GRIN2D: variants seen among roughly 807,000 people sequenced by gnomAD.
GRIN2D encodes the protein glutamate ionotropic receptor NMDA type subunit 2D.
A neutral mutation model predicts 103.2 loss-of-function variants in GRIN2D; 37 were observed. The observed-to-expected ratio is 0.36, with a 90% CI of 0.28 to 0.47. The LOEUF (loss-of-function observed/expected upper bound fraction) is 0.47. Ranked by LOEUF, GRIN2D falls within the 20% of genes least tolerant of loss-of-function variation. The pLI, the probability that GRIN2D is intolerant of heterozygous loss-of-function variation, is 1.00. For synonymous variants in GRIN2D, 845 were observed against 885.6 expected (o/e 0.95, Z 0.81); for missense variants, 1,557 against 1,910.6 (o/e 0.81, Z 3.45).
At chr19:48,422,039 C>G (rs1306252930) in intron 11 of GRIN2D, 94 bp downstream of exon 11, 3 of 1,309,672 alleles carry the variant, frequency 2.3e-6, no homozygotes, top group Non-Finnish European at 3.2e-6. Flanking sequence ...TTCATTCAGT[C>G]CCAGAGGTCA....
In GRIN2D at chr19:48,414,585, G is replaced by A; in HGVS notation, c.1412+1G>A. 1 of 1,550,468 alleles carries A rather than the reference G, an allele frequency of 6.4e-7. No individual in the cohort carries two copies. The highest frequency in any genetic ancestry group is 8.7e-7 in the Non-Finnish European group (1 of 1,147,330). On this transcript the variant is annotated splice_donor_variant, in intron 6 of 13. Transcript: ENST00000263269. LOFTEE classifies it high-confidence loss of function. The surrounding 1 kb of genome is among the most constrained non-coding windows in gnomAD (Gnocchi z 4.6). ...GGAGCCAGCTCAACCGAACCCACAG[G>A]TGACAGCTCGGGATCCAGGAGTTCC...
In GRIN2D at chr19:48,443,722, G is replaced by A; in HGVS notation, c.3796G>A (p.Ala1266Thr). The A allele has an allele frequency of 1.5e-6, 2 of 1,327,206 alleles. No homozygotes were observed. Among genetic ancestry groups the A allele is most frequent in the East Asian group, 3.2e-5 (1 of 31,484 alleles). The allele number at this position is 1,327,206 out of a possible 1,614,324, so 82.2% of individuals were successfully genotyped here. ...TGGGGGCTGGGACCTCCCGCCGCCC[G>A]CGCCCACCTCGCGCTCGCTCGAGGA... The part of the protein sequence containing the change: ...AAGGWDLPPP[A>T]PTSRSLEDLS... The change falls in exon 14 of 14, where the codon GCG becomes ACG. Residue 1266 changes from alanine (A) to threonine (T), a missense_variant. Ala to Thr is a moderately conservative substitution (Grantham distance 58). Around this residue, in one of 7 missense-constraint regions of GRIN2D, gnomAD observed 632 missense variants for 572.8 expected, o/e 1.10. Transcript: ENST00000263269. The surrounding 1 kb of genome is among the most constrained non-coding windows in gnomAD (Gnocchi z 8.9).
At chr19:48,434,283 T>G (rs1971200194) in intron 11 of GRIN2D, among the ~76,000 whole-genome samples, 1 of 151,882 alleles carries the variant, frequency 6.6e-6, no homozygotes, top group South Asian at 2.1e-4. Flanking sequence ...AGATGCAGTC[T>G]CGCTCTGTCA....
intron 3 of GRIN2D, among the ~76,000 whole-genome samples, chr19:48,403,198 C>CAAAAAAAAAAAAAAAAAAAAAAAA (rs145115482): frequency 1.1e-5 from 1 of 91,318 alleles, no homozygotes; most frequent in African/African-American, 4.0e-5. Context: ...GACTCTGTCT[C>CAAAAAAAAAAAAAAAAAAAAAAAA]AAAAAAAAAA....
Position 48,414,401 on chromosome 19 carries a change from G to A in GRIN2D, c.1229G>A (p.Arg410His), listed in dbSNP as rs1382484564. The change falls in exon 6 of 14, where the codon CGC becomes CAC. Residue 410 changes from arginine (R) to histidine (H), a missense_variant. By Grantham distance (29) the Arg-to-His change is conservative. Around this residue, in one of 7 missense-constraint regions of GRIN2D, gnomAD observed 490 missense variants for 601.1 expected, o/e 0.82. Transcript: ENST00000263269. This position sits in a 1 kb window ranked among gnomAD's most constrained non-coding sequence, Gnocchi z 4.6. Reference protein sequence around the residue: ...VVGSWEQQTLRLKYPLWSRYG... With the variant: ...VVGSWEQQTLHLKYPLWSRYG... ...GGCAGCTGGGAGCAGCAGACGCTCC[G>A]CCTCAAGTACCCGCTGTGGTCCCGC... 1.9e-6 allele frequency: 3 copies of A among 1,608,828 alleles called. No homozygotes were observed. Among genetic ancestry groups the A allele is most frequent in the African/African-American group, 2.7e-5 (2 of 74,852 alleles).
At position 48,421,612 on chromosome 19, in the gene GRIN2D, G is replaced by A. The variant is rs571619819; in HGVS notation, c.2092-173G>A. Reference sequence around the variant, plus strand: ...TTGGATCACGTGTCTGCAACCGTGTGTGCTGGGTGGGAGTGGAAAAGCATT... The same window carrying A: ...TTGGATCACGTGTCTGCAACCGTGTATGCTGGGTGGGAGTGGAAAAGCATT... On this transcript the variant is annotated intron_variant, in intron 10 of 13. Coordinates refer to ENST00000263269, the MANE Select transcript of GRIN2D (RefSeq NM_000836.4). The surrounding 1 kb of genome is among the most constrained non-coding windows in gnomAD (Gnocchi z 4.8). Among the ~76,000 whole-genome samples the A allele has an allele frequency of 1.4e-4, 21 of 152,328 alleles. No homozygotes were observed. Among genetic ancestry groups the A allele is most frequent in the African/African-American group, 5.1e-4 (21 of 41,564 alleles).
chr19:48,428,001 C>T (rs1336018366), intron 11 of GRIN2D, among the ~76,000 whole-genome samples: 1 of 150,420 alleles, frequency 6.6e-6, no homozygotes, highest in Non-Finnish European at 1.5e-5. Flanking sequence ...CCCTGTATCT[C>T]TTCCCATCAT....
intron 11 of GRIN2D, among the ~76,000 whole-genome samples, chr19:48,426,081 A>G (rs1057431060): frequency 3.3e-5 from 5 of 152,168 alleles, no homozygotes; most frequent in African/African-American, 1.2e-4. Context: ...ATTGCTGAAT[A>G]CCGTTGAGTA....
chr19:48,425,022 T>TTCTCTC (rs111577135), intron 11 of GRIN2D, among the ~76,000 whole-genome samples: 5 of 148,690 alleles, frequency 3.4e-5, no homozygotes, highest in Non-Finnish European at 7.5e-5. Flanking sequence ...AGATTCTCTC[T>TTCTCTC]TCTCTCTCTC....
chr19:48,402,756 A>G (rs1304744343), intron 3 of GRIN2D, among the ~76,000 whole-genome samples: 1 of 103,646 alleles, frequency 9.6e-6, no homozygotes, highest in Non-Finnish European at 1.8e-5. Flanking sequence ...AAGATTCTTT[A>G]CTCCTTTACG....
chr19:48,425,806 TAGATACAGTG>T (rs1374092463), intron 11 of GRIN2D, among the ~76,000 whole-genome samples: 1 of 152,104 alleles, frequency 6.6e-6, no homozygotes, highest in African/African-American at 2.4e-5. Context: ...GATATATACA[TAGATACAGTG>T]AGGTACAGTG....
chr19:48,442,702 G>A lies in GRIN2D; in HGVS notation c.2776G>A (p.Ala926Thr). ...PSPAYPAPRPAPGPAPFVPRE... is the reference protein window; with the variant it reads ...PSPAYPAPRPTPGPAPFVPRE... ...CCCCGCGTACCCCGCGCCGCGGCCG[G>A]CTCCCGGGCCCGCACCTTTCGTGCC... The change falls in exon 14 of 14, where the codon GCT (alanine) becomes ACT (threonine). Residue 926 changes from alanine to threonine, a missense_variant. Ala to Thr is a moderately conservative substitution (Grantham distance 58). Transcript: ENST00000263269. The surrounding 1 kb of genome is among the most constrained non-coding windows in gnomAD (Gnocchi z 7.2). The A allele has an allele frequency of 8.6e-7, 1 of 1,158,184 alleles. No homozygotes were observed. The highest frequency in any genetic ancestry group is 1.1e-6 in the Non-Finnish European group (1 of 943,104). 71.7% of individuals were successfully genotyped at this position (1,158,184 alleles called of 1,614,324 possible). A position where few individuals can be genotyped will look rare whatever the true frequency, so the allele number is the denominator to read the frequency against.
At position 48,398,528 on chromosome 19, in the gene GRIN2D, G is replaced by C; in HGVS notation, c.136G>C (p.Gly46Arg). ...GGCCGGTGGGCCCGGCGGCGGCCTC[G>C]GCGGGGCGCGGCCGCTCAACGTGGC... ...GGAGGPGGGL[G>R]GARPLNVALV... The change falls in exon 3 of 14, where the codon GGC becomes CGC. Residue 46 changes from glycine (G) to arginine (R), a missense_variant. Around this residue, in one of 7 missense-constraint regions of GRIN2D, gnomAD observed 490 missense variants for 601.1 expected, o/e 0.82. Coordinates refer to ENST00000263269, the MANE Select transcript of GRIN2D (RefSeq NM_000836.4). The C allele has an allele frequency of 1.9e-6, 2 of 1,055,102 alleles. No individual in the cohort carries two copies. The highest frequency in any genetic ancestry group is 1.1e-6 in the Non-Finnish European group (1 of 876,410). 65.4% of individuals were successfully genotyped at this position (1,055,102 alleles called of 1,614,324 possible).
At position 48,442,944 on chromosome 19, in the gene GRIN2D, C is replaced by G; in HGVS notation, c.3018C>G (p.Ser1006=). ...AGCCCCCGCAGAAGCCGCCGCCCTC[C>G]TATTTCGCCATCGTACGCGACAAGG... is the stretch of plus-strand genomic sequence containing the variant. The part of the protein sequence containing the change: ...AAQPPQKPPP[S]YFAIVRDKEP... Residue 1006 remains serine, a synonymous_variant, in exon 14 of 14, where the codon TCC becomes TCG. Coordinates refer to ENST00000263269, the MANE Select transcript of GRIN2D (RefSeq NM_000836.4). The surrounding 1 kb of genome is among the most constrained non-coding windows in gnomAD (Gnocchi z 7.2). The G allele has an allele frequency of 8.7e-7, 1 of 1,146,606 alleles. No individual in the cohort carries two copies. Among genetic ancestry groups the G allele is most frequent in the African/African-American group, 1.7e-5 (1 of 59,866 alleles). 71.0% of individuals were successfully genotyped at this position (1,146,606 alleles called of 1,614,324 possible).
In GRIN2D at chr19:48,405,102, G is replaced by A. The variant is rs1205283132; in HGVS notation, c.834G>A (p.Gln278=). The part of the protein sequence containing the change: ...SGYVWFMVGP[Q]LAGGGGSGAP... ...ACGTCTGGTTCATGGTGGGGCCCCA[G>A]CTGGCTGGAGGCGGGGGCTCTGGGG... The change falls in exon 4 of 14, where the codon CAG becomes CAA. Residue 278 remains glutamine (Q), a synonymous_variant. Transcript: ENST00000263269. The surrounding 1 kb of genome is among the most constrained non-coding windows in gnomAD (Gnocchi z 5.1). 8 of 1,594,324 alleles carry A rather than the reference G, an allele frequency of 5.0e-6. No individual in the cohort carries two copies. The highest frequency in any genetic ancestry group is 1.7e-5 in the Admixed American group (1 of 57,574).
rs757085096 is a variant in GRIN2D at position 48,405,027 on chromosome 19, C to G, written c.759C>G (p.Ala253=). The change falls in exon 4 of 14, where the codon GCC becomes GCG. Residue 253 remains alanine, a synonymous_variant. Coordinates refer to ENST00000263269, the MANE Select transcript of GRIN2D (RefSeq NM_000836.4). The surrounding 1 kb of genome is among the most constrained non-coding windows in gnomAD (Gnocchi z 5.1). ...IRLLFCAREE[A]EPVFRAAEEA... ...TGCTCTTCTGCGCCCGAGAGGAGGC[C>G]GAGCCCGTGTTCCGCGCAGCTGAGG... 1 of 1,612,046 alleles carries G rather than the reference C, an allele frequency of 6.2e-7. No homozygotes were observed.
chr19:48,433,075 C>CT (rs1971178525), intron 11 of GRIN2D, among the ~76,000 whole-genome samples: 4 of 118 alleles, frequency 0.034, no homozygotes, highest in Non-Finnish European at 0.074. Flanking sequence ...ACAGGCGTGA[C>CT]ACCACCTGCA....
chr19:48,440,181 A>T (rs1313091532), intron 11 of GRIN2D, among the ~76,000 whole-genome samples: 1 of 152,194 alleles, frequency 6.6e-6, no homozygotes, highest in Non-Finnish European at 1.5e-5. Context: ...TCTGCACTCC[A>T]GCCTGGGGGA....
intron 10 of GRIN2D, among the ~76,000 whole-genome samples, chr19:48,420,194 C>T (rs190700334): frequency 1.2e-4 from 18 of 151,944 alleles, no homozygotes; most frequent in Admixed American, 2.6e-4. Context: ...GTTGGGAGGC[C>T]GAGGCGGGCG....
Sources: gnomAD v4.1 joint callset for allele counts (sites outside exome capture counted in the v4.1 genomes callset) on GRCh38, gnomAD v4.1.1 for gene constraint, gnomAD v4.1.1 regional missense constraint, Gnocchi (gnomAD v3.1) non-coding constraint, MANE v1.5 for transcripts, NCBI Gene and HGNC (gene_info 2026-07-23, HGNC 2026-07-21) for gene names.